PEAR1: variants seen among roughly 807,000 people sequenced by gnomAD.
The protein encoded by PEAR1 is multiple EGF-like domains protein 12.
In PEAR1, 113 loss-of-function variants were observed where a neutral mutation model predicts 131.2. The ratio of observed to expected loss-of-function variants is 0.86; its 90% CI spans 0.74 to 1.01. PEAR1 has a LOEUF of 1.01. PEAR1 is among the 50% of genes least tolerant of loss of function. PEAR1 has a pLI of 0.00. For missense variants in PEAR1, 1,408 were observed against 1,391.1 expected, an observed-to-expected ratio of 1.01 and a Z score of -0.19; for synonymous variants, 565 against 523.3, an observed-to-expected ratio of 1.08 and a Z score of -1.09.
At position 156,912,289 on chromosome 1, in the gene PEAR1, G is replaced by A. The variant is rs781184799; in HGVS notation, c.1994G>A (p.Cys665Tyr). 1.9e-6 allele frequency: 3 copies of A among 1,613,978 alleles called. No individual in the cohort carries two copies. Among genetic ancestry groups the A allele is most frequent in the East Asian group, 4.5e-5 (2 of 44,880 alleles). ...GHWGENCAQTCQCHHGGTCHP... is the reference protein window; with the variant it reads ...GHWGENCAQTYQCHHGGTCHP... ...TGGGGAGAAAACTGTGCCCAGACCT[G>A]CCAATGTCACCATGGTGGGACCTGC... The change falls in exon 16 of 23, where the codon TGC becomes TAC. Residue 665 changes from cysteine (C) to tyrosine (Y), a missense_variant. Physicochemically the swap from Cys to Tyr is radical, Grantham distance 194. Coordinates refer to ENST00000292357, the MANE Select transcript of PEAR1 (RefSeq NM_001080471.3).
chr1:156,905,757 A>G (rs1650232612), intron 4 of PEAR1, among the ~76,000 whole-genome samples: 1 of 152,078 alleles, frequency 6.6e-6, no homozygotes, highest in African/African-American at 2.4e-5. Context: ...TGTGTGTCTC[A>G]GGACTTGGTG....
At chr1:156,914,524 A>G in intron 22 of PEAR1, 123 bp from the exon 23 acceptor site, 1 of 958,826 alleles carries the variant, frequency 1.0e-6, no homozygotes, top group Non-Finnish European at 1.5e-6. Context: ...GTATGTATCC[A>G]GGCCCCATCT....
At chr1:156,905,083 G>T (rs575205886) in intron 3 of PEAR1, 4 of 599,810 alleles carry the variant, frequency 6.7e-6, no homozygotes, top group Non-Finnish European at 8.5e-6. Context: ...CTGTGGGGTT[G>T]GGGGGGGGGC....
chr1:156,910,626 C>T lies in PEAR1; in HGVS notation c.1834C>T (p.Pro612Ser). Reference protein sequence around the residue: ...RGPSCQRSCQPGRYGKRCVPC... With the variant: ...RGPSCQRSCQSGRYGKRCVPC... ...GTACCCCTTTCCCCCAGCCTGTCAG[C>T]CTGGCCGCTATGGCAAACGCTGTGT... is the stretch of plus-strand genomic sequence containing the variant. Residue 612 changes from proline to serine, a missense_variant, in exon 15 of 23, where the codon CCT (proline) becomes TCT (serine). Pro to Ser is a moderately conservative substitution (Grantham distance 74). Transcript: ENST00000292357. 6.2e-7 allele frequency: 1 copy of T among 1,614,052 alleles called. No homozygotes were observed. The highest frequency in any genetic ancestry group is 8.5e-7 in the Non-Finnish European group (1 of 1,180,012).
In PEAR1 at chr1:156,915,010, C is replaced by T. The variant is rs1651738175; in HGVS notation, c.*212C>T. The T allele has an allele frequency of 5.4e-6, 3 of 556,248 alleles. No individual in the cohort carries two copies. The highest frequency in any genetic ancestry group is 9.1e-6 in the Non-Finnish European group (3 of 329,904). The allele number at this position is 556,248 out of a possible 1,614,324, so 34.5% of individuals were successfully genotyped here. On this transcript the variant is annotated 3_prime_UTR_variant, in exon 23 of 23. Transcript: ENST00000292357. Reference sequence around the variant, plus strand: ...AGGATGCCTGGCTCCCTTTCCCAACCCACTGCTCCCAAGGCCTCCAGGGCC... The same window carrying T: ...AGGATGCCTGGCTCCCTTTCCCAACTCACTGCTCCCAAGGCCTCCAGGGCC...
chr1:156,908,394 C>T lies in PEAR1; in HGVS notation c.1115+54C>T. The T allele has an allele frequency of 8.3e-6, 12 of 1,451,310 alleles. No individual in the cohort carries two copies. The highest frequency in any genetic ancestry group is 1.1e-5 in the Non-Finnish European group (12 of 1,099,284). 89.9% of individuals were successfully genotyped at this position (1,451,310 alleles called of 1,614,324 possible). A position where few individuals can be genotyped will look rare whatever the true frequency, so the allele number is the denominator to read the frequency against. On this transcript the variant is annotated intron_variant, in intron 9 of 22. Transcript: ENST00000292357. The surrounding 1 kb of genome is among the most constrained non-coding windows in gnomAD (Gnocchi z 4.2). ...TCAGGAGGCCAATGGGGAGGTCTTC[C>T]TGGCCGAAGTCACCACAGAGCCAGG...
Position 156,907,697 on chromosome 1 carries a change from A to C in PEAR1, c.732A>C (p.Pro244=), listed in dbSNP as rs1186644695. 1 of 1,613,468 alleles carries C rather than the reference A, an allele frequency of 6.2e-7. No homozygotes were observed. Among genetic ancestry groups the C allele is most frequent in the East Asian group, 2.2e-5 (1 of 44,860 alleles). Residue 244 remains proline, a synonymous_variant, in exon 7 of 23, where the codon CCA becomes CCC. Transcript: ENST00000292357. ...AAAATGGAGGTGTCTTCCAAACCCC[A>C]CAGGGCTCCTGCAGCTGCCCCCCTG... is the stretch of plus-strand genomic sequence containing the variant. The part of the protein sequence containing the change: ...SCQNGGVFQT[P]QGSCSCPPGW...
chr1:156,899,502 C>T lies in PEAR1; in HGVS notation c.-9-4416C>T, dbSNP rs567472531. Among the ~76,000 whole-genome samples, 5 of 152,260 alleles carry T rather than the reference C, an allele frequency of 3.3e-5. No individual in the cohort carries two copies. In the South Asian group the frequency reaches 6.2e-4, roughly 19 times the overall value. ...CCTTTCTCTCTGTCAGCATTTGCGG[C>T]CCCATTCCCATTCCCGGATCATCCT... On this transcript the variant is annotated intron_variant, in intron 1 of 22. Transcript: ENST00000292357.
chr1:156,912,266 G>A lies in PEAR1; in HGVS notation c.1971G>A (p.Trp657Ter), dbSNP rs1024642033. Residue 657 changes from tryptophan (W) to a stop codon, truncating the protein, a stop_gained, in exon 16 of 23, where the codon TGG becomes TGA. Transcript: ENST00000292357. LOFTEE classifies it high-confidence loss of function. ...CCGTAGCATGCCCTCCAGGACACTG[G>A]GGAGAAAACTGTGCCCAGACCTGCC... ...DCSQPCPPGH[W>*]GENCAQTCQC... 4.3e-6 allele frequency: 7 copies of A among 1,613,548 alleles called. No homozygotes were observed. Among genetic ancestry groups the A allele is most frequent in the Non-Finnish European group, 5.1e-6 (6 of 1,179,870 alleles).
At chr1:156,911,065 C>CTTTT (rs1397257315) in intron 15 of PEAR1, among the ~76,000 whole-genome samples, 7 of 113,340 alleles carry the variant, frequency 6.2e-5, no homozygotes, top group African/African-American at 3.8e-4. Context: ...TTCTTTCTTT[C>CTTTT]TTTCTTTCTT....
intron 3 of PEAR1, chr1:156,905,113 T>A: frequency 7.9e-7 from 1 of 1,267,580 alleles, no homozygotes; most frequent in Non-Finnish European, 1.1e-6. Context: ...ATGCTCTTTC[T>A]TTTTTTAATA....
chr1:156,911,183 TC>T (rs1651128891), intron 15 of PEAR1, among the ~76,000 whole-genome samples: 2 of 126,208 alleles, frequency 1.6e-5, no homozygotes, highest in African/African-American at 6.7e-5. Context: ...TTCTTTTCTT[TC>T]TTCTTTCTTT....
rs561359466 is a variant in PEAR1 at position 156,913,811 on chromosome 1, C to T, written c.2714-41C>T. 3.7e-6 allele frequency: 6 copies of T among 1,611,192 alleles called. No individual in the cohort carries two copies. The East Asian group carries it at 8.9e-5, about 24-fold the overall frequency. ...GGTGGCTGAGCTGGGGCTGAGGAAC[C>T]AGTGCCTCCATGCGGCCTGACTTCT... On this transcript the variant is annotated intron_variant, in intron 21 of 22. Transcript: ENST00000292357.
At position 156,908,682 on chromosome 1, in the gene PEAR1, C is replaced by T. The variant is rs1650665569; in HGVS notation, c.1143C>T (p.Ser381=). Residue 381 remains serine, a synonymous_variant, in exon 10 of 23, where the codon TCC becomes TCT. Coordinates refer to ENST00000292357, the MANE Select transcript of PEAR1 (RefSeq NM_001080471.3). The surrounding 1 kb of genome is among the most constrained non-coding windows in gnomAD (Gnocchi z 4.2). ...GCCACCCGATGAACGGGGAGTGCTC[C>T]TGCCTGCCGGGCTGGGCGGGCCTCC... ...LSCHPMNGEC[S]CLPGWAGLHC... is the part of the protein sequence containing the mutation. 1 of 1,534,494 alleles carries T rather than the reference C, an allele frequency of 6.5e-7. No homozygotes were observed. The highest frequency in any genetic ancestry group is 8.7e-7 in the Non-Finnish European group (1 of 1,145,572).
chr1:156,910,122 G>A lies in PEAR1; in HGVS notation c.1678+14G>A. On this transcript the variant is annotated intron_variant, in intron 13 of 22. Transcript: ENST00000292357. ...CTGGCTGGATGGGTGAGCATTCTGG[G>A]GCCCCAGGCCTACTGTGGATTGGGG... 1 of 1,614,026 alleles carries A rather than the reference G, an allele frequency of 6.2e-7. No homozygotes were observed. Among genetic ancestry groups the A allele is most frequent in the Non-Finnish European group, 8.5e-7 (1 of 1,179,960 alleles).
At chr1:156,911,103 TTTCTTTTC>T (rs1368732099) in intron 15 of PEAR1, among the ~76,000 whole-genome samples, 1 of 126,062 alleles carries the variant, frequency 7.9e-6, no homozygotes. Context: ...CCTTTCTTTC[TTTCTTTTC>T]TTTCTTCTTT....
chr1:156,911,891 T>A (rs1021991114), intron 15 of PEAR1, among the ~76,000 whole-genome samples: 2 of 152,206 alleles, frequency 1.3e-5, no homozygotes, highest in African/African-American at 4.8e-5. Context: ...ACAAAAATAA[T>A]GCCTTAAACA....
At chr1:156,906,203 G>A in intron 4 of PEAR1, 73 bp from the exon 5 acceptor site, 2 of 1,409,296 alleles carry the variant, frequency 1.4e-6, no homozygotes, top group East Asian at 2.3e-5. Context: ...GGAAGGTGGG[G>A]TTAGGCTTTG....
intron 13 of PEAR1, 27 bp from the exon 14 acceptor site, chr1:156,910,207 G>A (rs372251449): frequency 5.0e-6 from 8 of 1,610,552 alleles, no homozygotes; most frequent in Non-Finnish European, 6.8e-6. Flanking sequence ...GGCCCAGCCA[G>A]GCACACCCGA....
Sources: allele counts gnomAD v4.1 joint callset (sites outside exome capture counted in the v4.1 genomes callset), GRCh38; gene constraint gnomAD v4.1.1; non-coding constraint Gnocchi (gnomAD v3.1); transcripts MANE v1.5; gene names NCBI Gene and HGNC (gene_info 2026-07-23, HGNC 2026-07-21).